Variants in LRRTM4 observed in about 807,000 individuals in gnomAD.
LRRTM4 encodes leucine-rich repeat transmembrane neuronal protein 4.
Under a neutral mutation model 47.6 loss-of-function variants are expected in LRRTM4, and 25 were observed. The observed-to-expected ratio is 0.53, with a 90% confidence interval of 0.38 to 0.73. The LOEUF (loss-of-function observed/expected upper bound fraction) is 0.73, where lower values mean the gene tolerates loss of function less well. Among genes scored for constraint, LRRTM4 ranks in the 30% least tolerant of loss-of-function variants. The pLI, the probability that LRRTM4 is intolerant of heterozygous loss-of-function variation, is 0.00. For missense variants in LRRTM4, 638 were observed against 713.4 expected, an observed-to-expected ratio of 0.89 and a Z score of 1.20; for synonymous variants, 311 against 269.5, an observed-to-expected ratio of 1.15 and a Z score of -1.51.
chr2:77,140,743 A>C (rs1181872579), intron 3 of LRRTM4, among the ~76,000 whole-genome samples: 1 of 152,250 alleles, frequency 6.6e-6, no homozygotes, highest in East Asian at 1.9e-4. Flanking sequence ...AAGGGCTAAT[A>C]TCCAGAATCT....
In LRRTM4 at chr2:76,892,616, T is replaced by C. The variant is rs150360313; in HGVS notation, c.1552-143700A>G. 4.2e-3 allele frequency among the ~76,000 whole-genome samples: 643 copies of C among 151,702 alleles called. 1 individual carries two copies. Among genetic ancestry groups the C allele is most frequent in the Middle Eastern group, 0.01 (3 of 294 alleles). On this transcript the variant is annotated intron_variant, in intron 3 of 3. Transcript: ENST00000409884. Reference sequence around the variant, plus strand: ...TCCCAAAACATGTTCCAAGGAACCATAGAATGAATGTTAATAGGTTTAATT... The same window carrying C: ...TCCCAAAACATGTTCCAAGGAACCACAGAATGAATGTTAATAGGTTTAATT...
intron 3 of LRRTM4, among the ~76,000 whole-genome samples, chr2:77,063,588 G>A (rs1029677840): frequency 2.0e-5 from 3 of 151,976 alleles, no homozygotes; most frequent in Non-Finnish European, 2.9e-5. Context: ...TTATCCAGAA[G>A]TCTTTAAAAT....
chr2:77,048,465 T>C (rs1308781100), intron 3 of LRRTM4, among the ~76,000 whole-genome samples: 2 of 152,076 alleles, frequency 1.3e-5, no homozygotes, highest in Non-Finnish European at 2.9e-5. Context: ...AATATAACTT[T>C]CTTAATCTTG....
At chr2:77,083,822 T>TTTTTTTTTTTTC (rs1558569872) in intron 3 of LRRTM4, among the ~76,000 whole-genome samples, 3 of 119,838 alleles carry the variant, frequency 2.5e-5, no homozygotes, top group African/African-American at 1.1e-4. Context: ...TTTTTTTTTT[T>TTTTTTTTTTTTC]CAGACGGAGT....
intron 3 of LRRTM4, among the ~76,000 whole-genome samples, chr2:76,872,655 A>G (rs1672658513): frequency 6.6e-6 from 1 of 151,958 alleles, no homozygotes; most frequent in African/African-American, 2.4e-5. Context: ...GGCGTGTATG[A>G]TACCTTTTAT....
At chr2:77,446,276 G>C (rs538523681) in intron 3 of LRRTM4, among the ~76,000 whole-genome samples, 18 of 151,950 alleles carry the variant, frequency 1.2e-4, no homozygotes, top group African/African-American at 4.3e-4. Flanking sequence ...TTTGTGTATT[G>C]TAGGATGTAC....
intron 3 of LRRTM4, among the ~76,000 whole-genome samples, chr2:77,336,284 G>A (rs1671166358): frequency 6.7e-6 from 1 of 148,818 alleles, no homozygotes; most frequent in African/African-American, 2.5e-5. Context: ...AAGGGAGAAA[G>A]GAAACAAGGA....
intron 3 of LRRTM4, among the ~76,000 whole-genome samples, chr2:77,209,683 T>G (rs1443914760): frequency 6.6e-6 from 1 of 152,222 alleles, no homozygotes; most frequent in Non-Finnish European, 1.5e-5. Flanking sequence ...TCTAGTGAAC[T>G]ATATAATTTT....
chr2:76,894,841 A>G, intron 3 of LRRTM4, among the ~76,000 whole-genome samples: 1 of 151,902 alleles, frequency 6.6e-6, no homozygotes. Flanking sequence ...CGTCTGTTGC[A>G]ATACATATAT....
intron 3 of LRRTM4, among the ~76,000 whole-genome samples, chr2:77,294,542 A>T (rs1245653072): frequency 6.6e-6 from 1 of 152,118 alleles, no homozygotes; most frequent in African/African-American, 2.4e-5. Context: ...ACAGTCTTAC[A>T]TATGTCTTCA....
At chr2:77,270,274 G>A (rs1288727869) in intron 3 of LRRTM4, among the ~76,000 whole-genome samples, 6 of 152,044 alleles carry the variant, frequency 3.9e-5, no homozygotes, top group African/African-American at 1.4e-4. Flanking sequence ...AAATGAAAAG[G>A]TAATAGGTCT....
intron 3 of LRRTM4, among the ~76,000 whole-genome samples, chr2:77,045,849 A>T (rs1328934111): frequency 6.6e-6 from 1 of 151,936 alleles, no homozygotes; most frequent in African/African-American, 2.4e-5. Flanking sequence ...ATCATCTGAT[A>T]TCCAGCCCAT....
At chr2:76,945,090 G>C (rs1321832006) in intron 3 of LRRTM4, among the ~76,000 whole-genome samples, 1 of 151,856 alleles carries the variant, frequency 6.6e-6, no homozygotes, top group African/African-American at 2.4e-5. Flanking sequence ...TTTTGGCCAA[G>C]GTCACAGATA....
chr2:77,516,813 G>A (rs562002333), intron 3 of LRRTM4: 1 of 980,796 alleles, frequency 1.0e-6, no homozygotes, highest in Non-Finnish European at 1.2e-6. Context: ...CAGTTCAATA[G>A]TCCAAATTGT....
At chr2:77,170,409 A>G (rs1673012828) in intron 3 of LRRTM4, among the ~76,000 whole-genome samples, 1 of 152,180 alleles carries the variant, frequency 6.6e-6, no homozygotes. Flanking sequence ...AGATTCTGCC[A>G]GTAACACCAA....
At chr2:77,205,579 G>A (rs1185712949) in intron 3 of LRRTM4, among the ~76,000 whole-genome samples, 6 of 152,154 alleles carry the variant, frequency 3.9e-5, no homozygotes, top group African/African-American at 1.4e-4. Context: ...GGAGGCCAGA[G>A]CACAAAGAGG....
At chr2:77,399,340 T>A (rs1434157545) in intron 3 of LRRTM4, among the ~76,000 whole-genome samples, 1 of 151,880 alleles carries the variant, frequency 6.6e-6, no homozygotes, top group Non-Finnish European at 1.5e-5. Context: ...TTCTTTGTAG[T>A]GAGAACACTT....
intron 3 of LRRTM4, among the ~76,000 whole-genome samples, chr2:77,040,539 A>C (rs942550600): frequency 2.6e-5 from 4 of 151,476 alleles, no homozygotes; most frequent in Admixed American, 6.6e-5. Context: ...AAGTGCTAGT[A>C]AACAGTAGGC....
At chr2:77,305,565 A>G (rs1677248785) in intron 3 of LRRTM4, among the ~76,000 whole-genome samples, 1 of 152,100 alleles carries the variant, frequency 6.6e-6, no homozygotes, top group African/African-American at 2.4e-5. Context: ...GGCACTAGCA[A>G]TTTCAGGTGT....
Sources: allele counts gnomAD v4.1 joint callset (sites outside exome capture counted in the v4.1 genomes callset), GRCh38; gene constraint gnomAD v4.1.1; transcripts MANE v1.5; gene names NCBI Gene and HGNC (gene_info 2026-07-23, HGNC 2026-07-21).